SETD1A: variants seen among roughly 807,000 people sequenced by gnomAD.
SETD1A encodes the protein histone-lysine N-methyltransferase SETD1A.
A neutral mutation model predicts 149.9 loss-of-function variants in SETD1A; 29 were observed. The observed-to-expected ratio is 0.19, with a 90% CI of 0.14 to 0.26. The LOEUF (loss-of-function observed/expected upper bound fraction) is 0.26. SETD1A is among the 10% of genes least tolerant of loss of function. The probability of loss-of-function intolerance (pLI) is 1.00; values close to 1 mark genes in which losing one functional copy is unlikely to be tolerated. For missense variants in SETD1A, 2,109 were observed against 2,353.1 expected, an observed-to-expected ratio of 0.90 and a Z score of 2.15; for synonymous variants, 1,141 against 968.5, an observed-to-expected ratio of 1.18 and a Z score of -3.31.
intron 13 of SETD1A, among the ~76,000 whole-genome samples, chr16:30,977,618 C>G (rs1192718081): frequency 6.6e-6 from 1 of 152,190 alleles, no homozygotes; most frequent in African/African-American, 2.4e-5. Context: ...GGCGCTGCCC[C>G]AGCGTGGTGG....
chr16:30,963,917 G>A (rs1567351193), intron 5 of SETD1A, among the ~76,000 whole-genome samples, 177 bp from the exon 6 acceptor site: 1 of 152,000 alleles, frequency 6.6e-6, no homozygotes, highest in African/African-American at 2.4e-5. Context: ...GCATGAACCC[G>A]GGAGGCGGAG....
intron 6 of SETD1A, 29 bp downstream of exon 6, chr16:30,964,352 G>C: frequency 6.4e-7 from 1 of 1,562,240 alleles, no homozygotes; most frequent in Non-Finnish European, 8.8e-7. Flanking sequence ...CTGGGGCCCC[G>C]CCCGCAAAGT....
chr16:30,966,447 C>G (rs1274508416), intron 8 of SETD1A, 61 bp downstream of exon 8: 15 of 1,528,674 alleles, frequency 9.8e-6, no homozygotes, highest in Non-Finnish European at 1.3e-5. Flanking sequence ...GGGCCTCTGG[C>G]TCCTCCAGGC....
In SETD1A at chr16:30,961,263, C is replaced by T. The variant is rs1205904368; in HGVS notation, c.247-4C>T. On this transcript the variant is annotated splice_polypyrimidine_tract_variant and splice_region_variant and intron_variant, in intron 3 of 18. Transcript: ENST00000262519. This position sits in a 1 kb window ranked among gnomAD's most constrained non-coding sequence, Gnocchi z 4.0. ...CCCCATACCAACTCCTGTTCTTTCC[C>T]CAGCTGGACGAGTTCTATATTGGAC... 1 of 1,614,040 alleles carries T rather than the reference C, an allele frequency of 6.2e-7. No individual in the cohort carries two copies. The highest frequency in any genetic ancestry group is 1.7e-5 in the Admixed American group (1 of 59,978).
chr16:30,968,396 G>A (rs984652474), intron 10 of SETD1A, among the ~76,000 whole-genome samples: 1 of 126,286 alleles, frequency 7.9e-6, no homozygotes, highest in Non-Finnish European at 1.6e-5. Flanking sequence ...GCACGAGACT[G>A]TGTCTCAAAA....
chr16:30,969,179 C>A, intron 10 of SETD1A, 126 bp from the exon 11 acceptor site: 1 of 995,632 alleles, frequency 1.0e-6, no homozygotes, highest in Non-Finnish European at 1.5e-6. Context: ...GGTGAGCTTC[C>A]AAATTCTCAT....
At chr16:30,966,716 A>G (rs958262351) in intron 8 of SETD1A, 168 bp from the exon 9 acceptor site, 16 of 411,286 alleles carry the variant, frequency 3.9e-5, no homozygotes, top group Non-Finnish European at 4.9e-5. Context: ...TGGTGGGCGA[A>G]ATGACAGACT....
At position 30,979,378 on chromosome 16, in the gene SETD1A, A is replaced by G. The variant is rs1186132566; in HGVS notation, c.3592A>G (p.Lys1198Glu). ...CAAGTTTCCCGGCCCAGCCTCCCGC[A>G]AGGCTCCCCGGGGCGTGGAGCGGAC... ...QAKFPGPASR[K>E]APRGVERTIR... is the part of the protein sequence containing the mutation. The change falls in exon 14 of 19, where the codon AAG becomes GAG. Residue 1198 changes from lysine (K) to glutamate (E), a missense_variant. By Grantham distance (56) the Lys-to-Glu change is moderately conservative (BLOSUM62 1). Coordinates refer to ENST00000262519, the MANE Select transcript of SETD1A (RefSeq NM_014712.3). The G allele has an allele frequency of 4.3e-6, 7 of 1,612,328 alleles. No individual in the cohort carries two copies. The highest frequency in any genetic ancestry group is 5.9e-6 in the Non-Finnish European group (7 of 1,179,504).
Position 30,965,621 on chromosome 16 carries a change from A to AGACGACATGGAGATCTCC in SETD1A, c.1747_1764dup (p.Met583_Asp588dup). 1 of 1,610,460 alleles carries AGACGACATGGAGATCTCC rather than the reference A, an allele frequency of 6.2e-7. No homozygotes were observed. Among genetic ancestry groups the AGACGACATGGAGATCTCC allele is most frequent in the South Asian group, 1.1e-5 (1 of 90,878 alleles). ...CGCAGGCTTCTCCATGCTCTTCTGGAGACGACATGGAGATCTCCGACGACG... is the reference window on the plus strand; with the variant it reads ...CGCAGGCTTCTCCATGCTCTTCTGGAGACGACATGGAGATCTCCGACGACATGGAGATCTCCGACGACG... On this transcript the variant is annotated inframe_insertion, in exon 8 of 19. Coordinates refer to ENST00000262519, the MANE Select transcript of SETD1A (RefSeq NM_014712.3).
rs1351757787 is a variant in SETD1A, at chr16:30,966,158, G to C, written c.2277G>C (p.Leu759=). The part of the protein sequence containing the change: ...HLPMPMAAEP[L]PSSSVSGEEA... ...CCATGCCAATGGCAGCCGAGCCCCTGCCCTCCTCCTCAGTCTCGGGAGAGG... is the reference window on the plus strand; with the variant it reads ...CCATGCCAATGGCAGCCGAGCCCCTCCCCTCCTCCTCAGTCTCGGGAGAGG... Residue 759 remains leucine (L), a synonymous_variant, in exon 8 of 19, where the codon CTG becomes CTC. Transcript: ENST00000262519. 1.2e-6 allele frequency: 2 copies of C among 1,608,802 alleles called. No homozygotes were observed. Among genetic ancestry groups the C allele is most frequent in the Admixed American group, 1.7e-5 (1 of 59,756 alleles).
In SETD1A at chr16:30,959,101, A is replaced by G. The variant is rs115753061; in HGVS notation, c.161A>G (p.Tyr54Cys). ...GVHFSVNDSK[Y>C]IPVEDLQDPR... Reference sequence around the variant, plus strand: ...TGCTTTCCTTCCTAGGACTCAAAGTATATACCAGTCGAAGACCTCCAAGAC... The same window carrying G: ...TGCTTTCCTTCCTAGGACTCAAAGTGTATACCAGTCGAAGACCTCCAAGAC... Residue 54 changes from tyrosine (Y) to cysteine (C), a missense_variant, in exon 3 of 19, where the codon TAT becomes TGT. By Grantham distance (194) the Tyr-to-Cys change is radical. Coordinates refer to ENST00000262519, the MANE Select transcript of SETD1A (RefSeq NM_014712.3). The G allele has an allele frequency of 2.5e-5, 40 of 1,612,148 alleles. No homozygotes were observed. The African/African-American group carries it at 4.8e-4, about 19-fold the overall frequency.
At chr16:30,966,525 TGGG>T in intron 8 of SETD1A, 139 bp downstream of exon 8, 2 of 1,355,020 alleles carry the variant, frequency 1.5e-6, no homozygotes, top group Non-Finnish European at 2.0e-6. Flanking sequence ...CAGGCCACCC[TGGG>T]TGGGCAGGGG....
chr16:30,958,929 G>A (rs1178935580), intron 2 of SETD1A, 48 bp downstream of exon 2: 20 of 1,607,208 alleles, frequency 1.2e-5, no homozygotes, highest in Non-Finnish European at 1.7e-5. Flanking sequence ...CCAGGCGCCC[G>A]TCCTCTGTGA....
chr16:30,980,178 C>T lies in SETD1A; in HGVS notation c.4392C>T (p.His1464=). The change falls in exon 14 of 19, where the codon CAC becomes CAT. Residue 1464 remains histidine, a synonymous_variant. Transcript: ENST00000262519. The surrounding 1 kb of genome is among the most constrained non-coding windows in gnomAD (Gnocchi z 7.7). ...GGGCTGACTGGCTCAACGACACTCA[C>T]TGGGTCCATCACACAAATATCCTGA... is the stretch of plus-strand genomic sequence containing the variant. ...TSGADWLNDT[H]WVHHTITNLT... The T allele has an allele frequency of 6.2e-7, 1 of 1,608,382 alleles. No homozygotes were observed. Among genetic ancestry groups the T allele is most frequent in the African/African-American group, 1.3e-5 (1 of 74,902 alleles).
chr16:30,979,988 G>GCCC lies in SETD1A; in HGVS notation c.4204_4205insCCC (p.Arg1401_Arg1402insPro). 2 of 1,494,256 alleles carry GCCC rather than the reference G, an allele frequency of 1.3e-6. No individual in the cohort carries two copies. The highest frequency in any genetic ancestry group is 1.8e-6 in the Non-Finnish European group (2 of 1,126,976). 92.6% of individuals were successfully genotyped at this position (1,494,256 alleles called of 1,614,324 possible). On this transcript the variant is annotated inframe_insertion, in exon 14 of 19. Coordinates refer to ENST00000262519, the MANE Select transcript of SETD1A (RefSeq NM_014712.3). ...AGCCTCCGCTCCCACGCCCGGCGCC[G>GCCC]CCGCCCTCCGCCCCCACCCCCGCCG...
chr16:30,964,850 T>C lies in SETD1A; in HGVS notation c.1108T>C (p.Tyr370His). 6.2e-7 allele frequency: 1 copy of C among 1,614,192 alleles called. No homozygotes were observed. The highest frequency in any genetic ancestry group is 8.5e-7 in the Non-Finnish European group (1 of 1,180,034). Reference protein sequence around the residue: ...RSSDANYPAYYESWNRYQRHT... With the variant: ...RSSDANYPAYHESWNRYQRHT... ...TTCTGATGCAAACTACCCAGCGTAT[T>C]ATGAAAGCTGGAATCGCTACCAGCG... The change falls in exon 7 of 19, where the codon TAT (tyrosine) becomes CAT (histidine). Residue 370 changes from tyrosine to histidine, a missense_variant. Transcript: ENST00000262519.
intron 1 of SETD1A, chr16:30,958,415 G>A (rs2055996493): frequency 3.7e-6 from 1 of 271,152 alleles, no homozygotes; most frequent in African/African-American, 2.2e-5. Flanking sequence ...GGGGCCTGCA[G>A]GGGGCGGGGG....
chr16:30,982,458 G>A (rs1446734062), intron 17 of SETD1A, among the ~76,000 whole-genome samples: 2 of 150,608 alleles, frequency 1.3e-5, no homozygotes, highest in South Asian at 2.1e-4. Flanking sequence ...CCAAGATCGC[G>A]CCATTGCACT....
Position 30,979,362 on chromosome 16 carries a change from C to T in SETD1A, c.3576C>T (p.Pro1192=), listed in dbSNP as rs376726531. ...PPATPPQAKF[P]GPASRKAPRG... ...CCACACCGCCGCAGGCCAAGTTTCC[C>T]GGCCCAGCCTCCCGCAAGGCTCCCC... The change falls in exon 14 of 19, where the codon CCC becomes CCT. Residue 1192 remains proline (P), a synonymous_variant. Coordinates refer to ENST00000262519, the MANE Select transcript of SETD1A (RefSeq NM_014712.3). 23 of 1,612,820 alleles carry T rather than the reference C, an allele frequency of 1.4e-5. No homozygotes were observed. Among genetic ancestry groups the T allele is most frequent in the Middle Eastern group, 3.3e-4 (2 of 6,044 alleles).
Sources: allele counts gnomAD v4.1 joint callset (sites outside exome capture counted in the v4.1 genomes callset), GRCh38; gene constraint gnomAD v4.1.1; non-coding constraint Gnocchi (gnomAD v3.1); transcripts MANE v1.5; gene names NCBI Gene and HGNC (gene_info 2026-07-23, HGNC 2026-07-21).